The following UQCRC2 variants were observed in gnomAD, a reference collection of about 807,000 sequenced individuals.
The protein encoded by UQCRC2 is ubiquinol-cytochrome c reductase core protein 2, also known as cytochrome b-c1 complex subunit 2, mitochondrial.
UQCRC2 carries 49 observed loss-of-function variants against 55.6 expected under a neutral mutation model. That is an observed-to-expected ratio of 0.88 (90% CI 0.70 to 1.12). UQCRC2 has a LOEUF of 1.12. UQCRC2 is among the 50% of genes most tolerant of loss of function. The probability of loss-of-function intolerance (pLI) is 0.00; values close to 1 mark genes in which losing one functional copy is unlikely to be tolerated. For synonymous variants in UQCRC2, 193 were observed against 192.0 expected, an observed-to-expected ratio of 1.01 and a Z score of -0.04; for missense variants, 506 against 547.8, an observed-to-expected ratio of 0.92 and a Z score of 0.76.
intron 6 of UQCRC2, among the ~76,000 whole-genome samples, chr16:21,964,504 A>C (rs1174796295): frequency 6.6e-6 from 1 of 152,134 alleles, no homozygotes; most frequent in Non-Finnish European, 1.5e-5. Flanking sequence ...CTCTTACTTT[A>C]TGCTCTACCC....
In UQCRC2 at chr16:21,983,090, G is replaced by A. The variant is rs7282; in HGVS notation, c.1281G>A (p.Ala427=). The change falls in exon 14 of 14, where the codon GCG becomes GCA. Residue 427 remains alanine, a splice_region_variant and synonymous_variant. Coordinates refer to ENST00000268379, the MANE Select transcript of UQCRC2 (RefSeq NM_003366.4). The part of the protein sequence containing the change: ...DSVANADIIN[A]AKKFVSGQKS... ...GTCTTTTGTTTGTTTCTTTAAAGGC[G>A]GCAAAGAAGTTTGTTTCTGGCCAGA... The A allele has an allele frequency of 0.11, 178,646 of 1,611,660 alleles. 11,964 individuals are homozygous for A. Among genetic ancestry groups the A allele is most frequent in the South Asian group, 0.26 (23,689 of 90,606 alleles).
chr16:21,973,039 T>A (rs1898500995), intron 10 of UQCRC2, among the ~76,000 whole-genome samples: 1 of 152,134 alleles, frequency 6.6e-6, no homozygotes, highest in Non-Finnish European at 1.5e-5. Context: ...GGCGGAGGAT[T>A]CAGTAAGCTG....
chr16:21,954,145 A>C (rs1898055414), intron 1 of UQCRC2, among the ~76,000 whole-genome samples: 1 of 152,194 alleles, frequency 6.6e-6, no homozygotes, highest in Non-Finnish European at 1.5e-5. Context: ...AAGGGGGAAC[A>C]CTTAAAAAAT....
chr16:21,982,941 G>A (rs1218146163), intron 13 of UQCRC2, 147 bp from the exon 14 acceptor site: 6 of 724,510 alleles, frequency 8.3e-6, no homozygotes, highest in East Asian at 2.7e-5. Flanking sequence ...TCCACACTGG[G>A]TGACAGAGCG....
At chr16:21,967,534 A>G (rs1898356031) in intron 7 of UQCRC2, among the ~76,000 whole-genome samples, 1 of 152,072 alleles carries the variant, frequency 6.6e-6, no homozygotes, top group African/African-American at 2.4e-5. Context: ...ACTTTTGTAT[A>G]TTAAGCCTAA....
chr16:21,968,064 C>T (rs1438796918), intron 7 of UQCRC2, among the ~76,000 whole-genome samples: 2 of 148,344 alleles, frequency 1.3e-5, no homozygotes, highest in Non-Finnish European at 1.5e-5. Flanking sequence ...TGCAATGACA[C>T]GATCTCAGCT....
intron 3 of UQCRC2, 65 bp downstream of exon 3, chr16:21,957,631 A>G (rs1898110806): frequency 6.4e-7 from 1 of 1,570,460 alleles, no homozygotes; most frequent in East Asian, 2.2e-5. Flanking sequence ...TGAAAAAGAA[A>G]AACTAAGATC....
chr16:21,962,947 A>C (rs1898241099), intron 6 of UQCRC2, 62 bp downstream of exon 6: 1 of 1,529,466 alleles, frequency 6.5e-7, no homozygotes, highest in East Asian at 2.3e-5. Context: ...AGATCAATTT[A>C]TAGAAGAAAA....
intron 10 of UQCRC2, among the ~76,000 whole-genome samples, chr16:21,972,668 A>G (rs1252904855): frequency 6.6e-6 from 1 of 152,186 alleles, no homozygotes; most frequent in Non-Finnish European, 1.5e-5. Flanking sequence ...GGAGGTCAGG[A>G]GTTCGAGACC....
At position 21,962,461 on chromosome 16, in the gene UQCRC2, G is replaced by T. The variant is rs753310135; in HGVS notation, c.334G>T (p.Val112Leu). The T allele has an allele frequency of 6.2e-6, 10 of 1,614,054 alleles. No homozygotes were observed. In the East Asian group the frequency reaches 2.2e-4, roughly 36 times the overall value. Residue 112 changes from valine to leucine, a missense_variant and splice_region_variant, in exon 5 of 14, where the codon GTG (valine) becomes TTG (leucine). Physicochemically the swap from Val to Leu is conservative, Grantham distance 32 (BLOSUM62 1). Coordinates refer to ENST00000268379, the MANE Select transcript of UQCRC2 (RefSeq NM_003366.4). Reference protein sequence around the residue: ...GIEAVGGKLSVTATRENMAYT... With the variant: ...GIEAVGGKLSLTATRENMAYT... ...ACTCTAGTTTATTTTCCGATTCAGT[G>T]TGACCGCAACAAGGGAAAACATGGC...
At chr16:21,972,373 A>G (rs1239621961) in intron 10 of UQCRC2, among the ~76,000 whole-genome samples, 2 of 152,220 alleles carry the variant, frequency 1.3e-5, no homozygotes, top group Non-Finnish European at 2.9e-5. Flanking sequence ...AAGGGAATCC[A>G]CACATCCGTT....
intron 4 of UQCRC2, among the ~76,000 whole-genome samples, chr16:21,961,668 A>ATATATT (rs1321053912): frequency 4.7e-4 from 54 of 116,010 alleles, no homozygotes; most frequent in Non-Finnish European, 6.8e-4. Context: ...ATATATATAT[A>ATATATT]TTTTAGACAG....
chr16:21,962,706 C>G (rs1898232807), intron 5 of UQCRC2, 55 bp from the exon 6 acceptor site: 2 of 1,610,820 alleles, frequency 1.2e-6, no homozygotes, highest in Non-Finnish European at 1.7e-6. Flanking sequence ...TGTAGAATCT[C>G]AAATGTTGGC....
chr16:21,965,077 G>A (rs1364369763), intron 6 of UQCRC2, among the ~76,000 whole-genome samples: 1 of 125,242 alleles, frequency 8.0e-6, no homozygotes, highest in Non-Finnish European at 1.8e-5. Flanking sequence ...CAAGATGGCG[G>A]CAGAACCATA....
At chr16:21,972,301 T>C (rs1898482397) in intron 10 of UQCRC2, among the ~76,000 whole-genome samples, 179 bp downstream of exon 10, 1 of 152,222 alleles carries the variant, frequency 6.6e-6, no homozygotes, top group Admixed American at 6.5e-5. Flanking sequence ...TCACTGGCTT[T>C]TCCACTTTGT....
chr16:21,968,621 T>C lies in UQCRC2; in HGVS notation c.613-7T>C, dbSNP rs1320939144. 6 of 1,601,044 alleles carry C rather than the reference T, an allele frequency of 3.7e-6. No individual in the cohort carries two copies. Among genetic ancestry groups the C allele is most frequent in the Non-Finnish European group, 4.3e-6 (5 of 1,174,976 alleles). ...TATAACCTAATAAGTGTTTTTAACT[T>C]CCTCAGTTACATTACTTCGTTCAGA... is the stretch of plus-strand genomic sequence containing the variant. On this transcript the variant is annotated splice_polypyrimidine_tract_variant and splice_region_variant and intron_variant, in intron 7 of 13. Transcript: ENST00000268379.
chr16:21,953,450 T>C lies in UQCRC2; in HGVS notation c.27T>C (p.Ser9=), dbSNP rs1187760915. 1.2e-6 allele frequency: 2 copies of C among 1,613,034 alleles called. No homozygotes were observed. Among genetic ancestry groups the C allele is most frequent in the East Asian group, 2.2e-5 (1 of 44,862 alleles). ...TGAAGCTACTAACCAGAGCCGGCTC[T>C]TTCTCGGTGAGCTCAGGTGGCGGGT... is the stretch of plus-strand genomic sequence containing the variant. The part of the protein sequence containing the change: MKLLTRAG[S]FSRFYSLKVA... The change falls in exon 1 of 14, where the codon TCT becomes TCC. Residue 9 remains serine (S), a synonymous_variant. Transcript: ENST00000268379.
chr16:21,958,520 T>G lies in UQCRC2; in HGVS notation c.268-15T>G, dbSNP rs747689122. 4 of 1,611,500 alleles carry G rather than the reference T, an allele frequency of 2.5e-6. No individual in the cohort carries two copies. The highest frequency in any genetic ancestry group is 3.4e-6 in the Non-Finnish European group (4 of 1,178,978). Reference sequence around the variant, plus strand: ...ATTGAAAAGCTACAAAGATAATCATTCTTTCTTTTTCAAGACGACAAAAGG... The same window carrying G: ...ATTGAAAAGCTACAAAGATAATCATGCTTTCTTTTTCAAGACGACAAAAGG... On this transcript the variant is annotated splice_polypyrimidine_tract_variant and intron_variant, in intron 3 of 13. Coordinates refer to ENST00000268379, the MANE Select transcript of UQCRC2 (RefSeq NM_003366.4).
chr16:21,970,608 CAG>C (rs1489113706), intron 8 of UQCRC2, among the ~76,000 whole-genome samples: 1 of 152,046 alleles, frequency 6.6e-6, no homozygotes, highest in African/African-American at 2.4e-5. Flanking sequence ...TTTTTTGAGA[CAG>C]AGGCTTGCTC....
Sources: gnomAD v4.1 joint callset for allele counts (sites outside exome capture counted in the v4.1 genomes callset) on GRCh38, gnomAD v4.1.1 for gene constraint, MANE v1.5 for transcripts, NCBI Gene and HGNC (gene_info 2026-07-23, HGNC 2026-07-21) for gene names.